PGRMC2: variants seen among roughly 807,000 people sequenced by gnomAD.
The protein encoded by PGRMC2 is progesterone receptor membrane component 2.
In PGRMC2, 9 loss-of-function variants were observed where a neutral mutation model predicts 19.3. The observed-to-expected ratio is 0.47, with a 90% CI of 0.28 to 0.81. The LOEUF is 0.81. Among genes scored for constraint, PGRMC2 ranks in the 40% least tolerant of loss-of-function variants. The pLI is 0.11. For synonymous variants in PGRMC2, 157 were observed against 124.6 expected, an observed-to-expected ratio of 1.26 and a Z score of -1.73; for missense variants, 289 against 297.3, an observed-to-expected ratio of 0.97 and a Z score of 0.21.
At chr4:128,272,754 T>C in intron 1 of PGRMC2, 1 of 332,652 alleles carries the variant, frequency 3.0e-6, no homozygotes, top group Non-Finnish European at 5.4e-6. Flanking sequence ...CTTAAAACCC[T>C]CAATTTCAAT....
At chr4:128,271,483 G>T in intron 2 of PGRMC2, 70 bp from the exon 3 acceptor site, 1 of 733,302 alleles carries the variant, frequency 1.4e-6, no homozygotes, top group Non-Finnish European at 2.4e-6. Flanking sequence ...ACAGAGAAAA[G>T]GCATTTGTCT....
chr4:128,271,911 G>C (rs540001933), intron 2 of PGRMC2, among the ~76,000 whole-genome samples: 1 of 152,268 alleles, frequency 6.6e-6, no homozygotes, highest in East Asian at 1.9e-4. Context: ...ATAAATTATA[G>C]TATTGAAATC....
chr4:128,286,719 G>C (rs1026465837), intron 1 of PGRMC2: 2 of 398,548 alleles, frequency 5.0e-6, no homozygotes, highest in Non-Finnish European at 8.8e-6. Flanking sequence ...CACATACCTT[G>C]TTAATCATGG....
At chr4:128,278,152 T>C (rs1760839875) in intron 1 of PGRMC2, among the ~76,000 whole-genome samples, 2 of 152,222 alleles carry the variant, frequency 1.3e-5, no homozygotes, top group African/African-American at 2.4e-5. Flanking sequence ...CCTGAGTTTA[T>C]GCAACCCATG....
intron 1 of PGRMC2, 36 bp from the exon 2 acceptor site, chr4:128,272,553 A>G: frequency 7.9e-7 from 1 of 1,259,198 alleles, no homozygotes. Context: ...AGATCACCTA[A>G]CAATATTTTA....
intron 1 of PGRMC2, among the ~76,000 whole-genome samples, chr4:128,281,413 T>A (rs1194947827): frequency 1.3e-5 from 2 of 152,198 alleles, no homozygotes; most frequent in South Asian, 2.1e-4. Context: ...AGGATAGTCA[T>A]CTATAGCAAA....
In PGRMC2 at chr4:128,287,754, G is replaced by A. The variant is rs747056659; in HGVS notation, c.37C>T (p.Leu13=). The change falls in exon 1 of 3, where the codon CTG becomes TTG. Residue 13 remains leucine, a synonymous_variant. Coordinates refer to ENST00000296425, the MANE Select transcript of PGRMC2 (RefSeq NM_006320.6). ...TTGCTGCTCTCGCTGCCACTCCCCAGGGTGCCTAGCTTCACGTCCCCATCA... is the reference window on the plus strand; with the variant it reads ...TTGCTGCTCTCGCTGCCACTCCCCAAGGTGCCTAGCTTCACGTCCCCATCA... ...AGDGDVKLGT[L]GSGSESSNDG... 8 of 1,478,604 alleles carry A rather than the reference G, an allele frequency of 5.4e-6. No individual in the cohort carries two copies. Among genetic ancestry groups the A allele is most frequent in the Middle Eastern group, 1.7e-4 (1 of 5,766 alleles). The allele number at this position is 1,478,604 out of a possible 1,614,324, so 91.6% of individuals were successfully genotyped here. A position where few individuals can be genotyped will look rare whatever the true frequency, so the allele number is the denominator to read the frequency against.
chr4:128,270,849 C>T lies in PGRMC2; in HGVS notation c.*467G>A, dbSNP rs1230697381. The T allele has an allele frequency of 6.6e-6, 1 of 152,482 alleles. No individual in the cohort carries two copies. The highest frequency in any genetic ancestry group is 6.5e-5 in the Admixed American group (1 of 15,278). The allele number at this position is 152,482 out of a possible 1,614,324, so 9.4% of individuals were successfully genotyped here. ...CAAATTGATGTGTACCCCCACCTCC[C>T]CTGATCAGGTCGCCTCCCTCACCCA... On this transcript the variant is annotated 3_prime_UTR_variant, in exon 3 of 3. Transcript: ENST00000296425.
At chr4:128,286,579 GAA>G (rs1467324199) in intron 1 of PGRMC2, 3 of 397,540 alleles carry the variant, frequency 7.5e-6, no homozygotes, top group Non-Finnish European at 1.3e-5. Context: ...ACGTGTACTT[GAA>G]AAGAGAAAAA....
At chr4:128,285,311 T>G (rs552031225) in intron 1 of PGRMC2, among the ~76,000 whole-genome samples, 1 of 152,144 alleles carries the variant, frequency 6.6e-6, no homozygotes, top group Non-Finnish European at 1.5e-5. Context: ...GTATTTTTAG[T>G]AGAGACGAGG....
Position 128,287,516 on chromosome 4 carries a change from G to C in PGRMC2, c.275C>G (p.Ala92Gly). The change falls in exon 1 of 3, where the codon GCC (alanine) becomes GGC (glycine). Residue 92 changes from alanine (A) to glycine (G), a missense_variant. Ala to Gly is a moderately conservative substitution (Grantham distance 60, BLOSUM62 0). Transcript: ENST00000296425. The part of the protein sequence containing the change: ...AGAGAGEESP[A>G]TSLPRMKKRD... ...CTTCTTCATGCGAGGCAGAGAGGTG[G>C]CGGGGCTCTCCTCGCCCGCCCCGGC... 6.2e-7 allele frequency: 1 copy of C among 1,606,500 alleles called. No individual in the cohort carries two copies. The highest frequency in any genetic ancestry group is 8.5e-7 in the Non-Finnish European group (1 of 1,176,996).
chr4:128,279,853 G>A (rs974083727), intron 1 of PGRMC2, among the ~76,000 whole-genome samples: 1 of 152,168 alleles, frequency 6.6e-6, no homozygotes, highest in African/African-American at 2.4e-5. Context: ...ACGTAGACTG[G>A]TGCTTTGCTG....
chr4:128,287,681 C>T lies in PGRMC2; in HGVS notation c.110G>A (p.Gly37Glu). ...SPGDAGAAAE[G>E]GGWAAAALAL... Reference sequence around the variant, plus strand: ...CAACGCCGCCGCCGCCCAGCCTCCCCCTTCCGCTGCCGCTCCCGCGTCGCC... The same window carrying T: ...CAACGCCGCCGCCGCCCAGCCTCCCTCTTCCGCTGCCGCTCCCGCGTCGCC... The change falls in exon 1 of 3, where the codon GGG becomes GAG. Residue 37 changes from glycine (G) to glutamate (E), a missense_variant. Transcript: ENST00000296425. 1.3e-6 allele frequency: 2 copies of T among 1,531,544 alleles called. No individual in the cohort carries two copies. The highest frequency in any genetic ancestry group is 1.8e-6 in the Non-Finnish European group (2 of 1,141,356). 94.9% of individuals were successfully genotyped at this position (1,531,544 alleles called of 1,614,324 possible). A position where few individuals can be genotyped will look rare whatever the true frequency, so the allele number is the denominator to read the frequency against.
In PGRMC2 at chr4:128,287,682, CT is replaced by C; in HGVS notation, c.108del (p.Gly38GlufsTer11). On this transcript the variant is annotated frameshift_variant, in exon 1 of 3. Coordinates refer to ENST00000296425, the MANE Select transcript of PGRMC2 (RefSeq NM_006320.6). LOFTEE classifies it high-confidence loss of function. ...AACGCCGCCGCCGCCCAGCCTCCCC[CT>C]TCCGCTGCCGCTCCCGCGTCGCCTG... ...ESPGDAGAAA[E>X]GGGWAAAALA... is the part of the protein sequence containing the mutation. 6.5e-7 allele frequency: 1 copy of C among 1,531,828 alleles called. No homozygotes were observed. Among genetic ancestry groups the C allele is most frequent in the Non-Finnish European group, 8.8e-7 (1 of 1,141,558 alleles). The allele number at this position is 1,531,828 out of a possible 1,614,324, so 94.9% of individuals were successfully genotyped here. A position where few individuals can be genotyped will look rare whatever the true frequency, so the allele number is the denominator to read the frequency against.
chr4:128,274,515 GAA>G (rs34809072), intron 1 of PGRMC2, among the ~76,000 whole-genome samples: 26 of 52,898 alleles, frequency 4.9e-4, no homozygotes, highest in African/African-American at 5.5e-4. Context: ...CTTCTCCAAA[GAA>G]AAAAAAAAAA....
At chr4:128,280,778 TG>T (rs2096162318) in intron 1 of PGRMC2, among the ~76,000 whole-genome samples, 1 of 152,098 alleles carries the variant, frequency 6.6e-6, no homozygotes, top group South Asian at 2.1e-4. Flanking sequence ...TTTATATTTT[TG>T]TAAGAGACAG....
At position 128,274,822 on chromosome 4, in the gene PGRMC2, G is replaced by C. The variant is rs3755894; in HGVS notation, c.419-2305C>G. ...TAAAGGCCATAACAATCTACAAATG[G>C]AAAATTATAGGTTCAATTTTTAAAA... On this transcript the variant is annotated intron_variant, in intron 1 of 2. Coordinates refer to ENST00000296425, the MANE Select transcript of PGRMC2 (RefSeq NM_006320.6). 4.4e-4 allele frequency among the ~76,000 whole-genome samples: 67 copies of C among 152,238 alleles called. 1 individual carries two copies. In the East Asian group the frequency reaches 0.013, roughly 29 times the overall value.
chr4:128,286,159 G>A (rs1344159542), intron 1 of PGRMC2, among the ~76,000 whole-genome samples: 1 of 150,530 alleles, frequency 6.6e-6, no homozygotes, highest in Admixed American at 6.7e-5. Flanking sequence ...CTTACTTCCA[G>A]ACTGCCAACC....
In PGRMC2 at chr4:128,270,816, G is replaced by A. The variant is rs1173862144; in HGVS notation, c.*500C>T. ...TCACATTTTAATGTTTCAGTAGCCT[G>A]AACAACTCAAATTGATGTGTACCCC... On this transcript the variant is annotated 3_prime_UTR_variant, in exon 3 of 3. Transcript: ENST00000296425. The A allele has an allele frequency of 6.6e-6, 1 of 152,124 alleles. No individual in the cohort carries two copies. Among genetic ancestry groups the A allele is most frequent in the African/African-American group, 2.4e-5 (1 of 41,406 alleles). The allele number at this position is 152,124 out of a possible 1,614,324, so 9.4% of individuals were successfully genotyped here.
Sources: gnomAD v4.1 joint callset for allele counts (sites outside exome capture counted in the v4.1 genomes callset) on GRCh38, gnomAD v4.1.1 for gene constraint, MANE v1.5 for transcripts, NCBI Gene and HGNC (gene_info 2026-07-23, HGNC 2026-07-21) for gene names.